The following DPP10 variants were observed in gnomAD, a reference collection of about 807,000 sequenced individuals.
The protein encoded by DPP10 is dipeptidyl peptidase like 10.
In DPP10, 33 loss-of-function variants were observed where a neutral mutation model predicts 120.9. The ratio of observed to expected loss-of-function variants is 0.27; its 90% CI spans 0.21 to 0.37. The LOEUF (loss-of-function observed/expected upper bound fraction) is 0.37, where lower values mean the gene tolerates loss of function less well. Among genes scored for constraint, DPP10 ranks in the 10% least tolerant of loss-of-function variants. The pLI is 1.00. For synonymous variants in DPP10, 337 were observed against 326.1 expected, an observed-to-expected ratio of 1.03 and a Z score of -0.36; for missense variants, 816 against 942.8, an observed-to-expected ratio of 0.87 and a Z score of 1.76.
At chr2:115,810,274 A>G (rs1686491552) in intron 19 of DPP10, among the ~76,000 whole-genome samples, 1 of 152,126 alleles carries the variant, frequency 6.6e-6, no homozygotes, top group South Asian at 2.1e-4. Flanking sequence ...TTAATTCCTC[A>G]AGGTACCTCA....
chr2:115,440,324 G>T (rs1404345183), intron 3 of DPP10, among the ~76,000 whole-genome samples: 2 of 152,110 alleles, frequency 1.3e-5, no homozygotes, highest in East Asian at 3.9e-4. Flanking sequence ...TTTTCAGAAA[G>T]TTCAATGGCA....
At chr2:115,185,642 A>G (rs1385772963) in intron 1 of DPP10, among the ~76,000 whole-genome samples, 3 of 152,220 alleles carry the variant, frequency 2.0e-5, no homozygotes, top group Non-Finnish European at 4.4e-5. Context: ...TTAAGAGTGT[A>G]TGGATATTTT....
intron 1 of DPP10, among the ~76,000 whole-genome samples, chr2:114,536,402 CTTTTTCTTTT>C (rs1686491189): frequency 9.1e-6 from 1 of 109,942 alleles, no homozygotes. Flanking sequence ...CTTTCTTTTT[CTTTTTCTTTT>C]TTTTTTTTTT....
chr2:114,819,272 C>T (rs1239066894), intron 1 of DPP10, among the ~76,000 whole-genome samples: 7 of 150,970 alleles, frequency 4.6e-5, no homozygotes, highest in Admixed American at 1.3e-4. Flanking sequence ...ATAGATGTCT[C>T]GTTAAAATTC....
intron 1 of DPP10, among the ~76,000 whole-genome samples, chr2:114,850,908 T>C (rs1688900000): frequency 6.6e-6 from 1 of 152,118 alleles, no homozygotes; most frequent in South Asian, 2.1e-4. Flanking sequence ...CTTCCATATG[T>C]TTTTTAGTTT....
chr2:114,646,306 A>G (rs1696132078), intron 1 of DPP10, among the ~76,000 whole-genome samples: 2 of 152,164 alleles, frequency 1.3e-5, no homozygotes, highest in African/African-American at 2.4e-5. Context: ...GTGTGTTTCC[A>G]GTCCTCCCTT....
At chr2:115,555,752 A>T (rs1479310142) in intron 5 of DPP10, among the ~76,000 whole-genome samples, 4 of 152,090 alleles carry the variant, frequency 2.6e-5, no homozygotes, top group South Asian at 4.1e-4. Flanking sequence ...CTATCTAAAG[A>T]TGGTATCCCC....
chr2:115,632,403 T>C (rs2085950039), intron 5 of DPP10, among the ~76,000 whole-genome samples: 1 of 152,180 alleles, frequency 6.6e-6, no homozygotes, highest in Non-Finnish European at 1.5e-5. Context: ...TGTTTACATT[T>C]AAGGTTAATA....
At chr2:115,742,175 T>G (rs1212279208) in intron 9 of DPP10, among the ~76,000 whole-genome samples, 3 of 152,162 alleles carry the variant, frequency 2.0e-5, no homozygotes, top group Admixed American at 1.3e-4. Flanking sequence ...GGCTTAGTGC[T>G]TTTATACAAG....
At chr2:115,202,221 G>A (rs926236613) in intron 1 of DPP10, among the ~76,000 whole-genome samples, 2 of 152,026 alleles carry the variant, frequency 1.3e-5, no homozygotes, top group African/African-American at 4.8e-5. Context: ...GAGCACCCAT[G>A]CCTAGCCTAC....
intron 3 of DPP10, among the ~76,000 whole-genome samples, chr2:115,431,134 C>A (rs1268418180): frequency 2.0e-5 from 3 of 152,172 alleles, no homozygotes; most frequent in Non-Finnish European, 4.4e-5. Flanking sequence ...ACTAATATAG[C>A]TCGCGAAAGC....
chr2:115,647,701 T>C (rs1480786162), intron 5 of DPP10, among the ~76,000 whole-genome samples: 1 of 152,122 alleles, frequency 6.6e-6, no homozygotes. Context: ...CAAGGCACTG[T>C]CATGTGATCT....
intron 12 of DPP10, among the ~76,000 whole-genome samples, chr2:115,765,487 A>G (rs1680600968): frequency 6.6e-6 from 1 of 152,146 alleles, no homozygotes. Context: ...TTCAATTATT[A>G]ATTGCCTAGT....
intron 1 of DPP10, among the ~76,000 whole-genome samples, chr2:114,703,603 A>G (rs1295765466): frequency 4.6e-5 from 7 of 152,156 alleles, no homozygotes; most frequent in South Asian, 2.1e-4. Context: ...ATTTTAATCA[A>G]TTTTCATTCA....
At chr2:115,033,893 CTTTTTTT>C (rs965717193) in intron 1 of DPP10, among the ~76,000 whole-genome samples, 71 of 89,854 alleles carry the variant, frequency 7.9e-4, no homozygotes, top group African/African-American at 1.9e-3. Context: ...TTTTCTTTTT[CTTTTTTT>C]TTTTTTTTTT....
chr2:115,283,793 T>C (rs1387634305), intron 1 of DPP10, among the ~76,000 whole-genome samples: 1 of 152,056 alleles, frequency 6.6e-6, no homozygotes, highest in East Asian at 1.9e-4. Context: ...AATGAGATTT[T>C]ATTACCATAC....
At chr2:114,810,253 G>C (rs1685069543) in intron 1 of DPP10, among the ~76,000 whole-genome samples, 1 of 152,136 alleles carries the variant, frequency 6.6e-6, no homozygotes. Flanking sequence ...AATAGCTACT[G>C]ATGACAGATA....
At chr2:115,791,046 G>A (rs1246457562) in intron 17 of DPP10, 35 bp from the exon 18 acceptor site, 2 of 1,474,638 alleles carry the variant, frequency 1.4e-6, no homozygotes, top group East Asian at 2.3e-5. Context: ...AATGCATAGG[G>A]GTTAGCTATT....
At chr2:115,256,121 C>G (rs2058975636) in intron 1 of DPP10, among the ~76,000 whole-genome samples, 2 of 152,188 alleles carry the variant, frequency 1.3e-5, no homozygotes, top group Non-Finnish European at 2.9e-5. Context: ...AATTGACTCA[C>G]AGTTCAGCAT....
Sources: allele counts gnomAD v4.1 joint callset (sites outside exome capture counted in the v4.1 genomes callset), GRCh38; gene constraint gnomAD v4.1.1; transcripts MANE v1.5; gene names NCBI Gene and HGNC (gene_info 2026-07-23, HGNC 2026-07-21).